NCAN: variants seen among roughly 807,000 people sequenced by gnomAD.
NCAN encodes the protein neurocan.
NCAN carries 47 observed loss-of-function variants against 121.8 expected under a neutral mutation model. The observed-to-expected ratio is 0.39, with a 90% CI of 0.31 to 0.49. NCAN has a LOEUF of 0.49. NCAN is among the 20% of genes least tolerant of loss of function. The pLI, the probability that NCAN is intolerant of heterozygous loss-of-function variation, is 0.92. For synonymous variants in NCAN, 633 were observed against 702.0 expected, an observed-to-expected ratio of 0.90 and a Z score of 1.55; for missense variants, 1,517 against 1,773.4, an observed-to-expected ratio of 0.86 and a Z score of 2.60.
intron 13 of NCAN, among the ~76,000 whole-genome samples, chr19:19,246,022 T>A (rs2060923267): frequency 2.0e-5 from 3 of 152,018 alleles, no homozygotes; most frequent in Admixed American, 6.6e-5. Flanking sequence ...TTTTTTAATT[T>A]ATTCTTATTT....
In NCAN at chr19:19,228,103, C is replaced by T. The variant is rs2060844750; in HGVS notation, c.2483C>T (p.Pro828Leu). 2 of 1,613,478 alleles carry T rather than the reference C, an allele frequency of 1.2e-6. No homozygotes were observed. The highest frequency in any genetic ancestry group is 1.6e-4 in the Middle Eastern group (1 of 6,084). The part of the protein sequence containing the change: ...VATDEGPTVN[P>L]MDSTVTPAPS... ...ACAGATGAAGGACCCACTGTGAATC[C>T]CATGGATTCCACAGTCACGCCGGCC... Residue 828 changes from proline (P) to leucine (L), a missense_variant, in exon 8 of 15, where the codon CCC (proline) becomes CTC (leucine). Pro to Leu is a moderately conservative substitution (Grantham distance 98). Coordinates refer to ENST00000252575, the MANE Select transcript of NCAN (RefSeq NM_004386.3).
In NCAN at chr19:19,225,010, TG is replaced by T; in HGVS notation, c.813del (p.Thr272HisfsTer97). 6.8e-7 allele frequency: 1 copy of T among 1,475,056 alleles called. No homozygotes were observed. The allele number at this position is 1,475,056 out of a possible 1,614,324, so 91.4% of individuals were successfully genotyped here. A position where few individuals can be genotyped will look rare whatever the true frequency, so the allele number is the denominator to read the frequency against. On this transcript the variant is annotated frameshift_variant, in exon 6 of 15. Coordinates refer to ENST00000252575, the MANE Select transcript of NCAN (RefSeq NM_004386.3). LOFTEE classifies it high-confidence loss of function. This position sits in a 1 kb window ranked among gnomAD's most constrained non-coding sequence, Gnocchi z 4.0. ...EVFYVGPARR[L>X]TLAGARAQCR... ...TTCTACGTGGGCCCGGCCCGCCGCC[TG>T]ACACTGGCCGGCGCGCGTGCACAGT...
At position 19,249,863 on chromosome 19, in the gene NCAN, G is replaced by C. The variant is rs1463807205; in HGVS notation, c.3918G>C (p.Lys1306Asn). 4 of 1,614,042 alleles carry C rather than the reference G, an allele frequency of 2.5e-6. No homozygotes were observed. Among genetic ancestry groups the C allele is most frequent in the Non-Finnish European group, 3.4e-6 (4 of 1,180,020 alleles). The change falls in exon 15 of 15, where the codon AAG becomes AAC. Residue 1306 changes from lysine to asparagine, a missense_variant. By Grantham distance (94) the Lys-to-Asn change is moderately conservative. Coordinates refer to ENST00000252575, the MANE Select transcript of NCAN (RefSeq NM_004386.3). ...CCCGCAAGGAGCGCAGAAAACACAA[G>C]AAACACCCAACGGAGGACTGGGAGA... Reference protein sequence around the residue: ...HKSRKERRKHKKHPTEDWEKD... With the variant: ...HKSRKERRKHNKHPTEDWEKD...
chr19:19,231,792 C>A (rs2060860931), intron 8 of NCAN, among the ~76,000 whole-genome samples: 1 of 151,966 alleles, frequency 6.6e-6, no homozygotes, highest in South Asian at 2.1e-4. Flanking sequence ...CCAGCCTTGG[C>A]AACATAGTGA....
intron 12 of NCAN, among the ~76,000 whole-genome samples, chr19:19,241,091 A>G (rs1599822000): frequency 6.6e-6 from 1 of 151,884 alleles, no homozygotes; most frequent in African/African-American, 2.4e-5. Flanking sequence ...CCCCGTCTCT[A>G]CTAAAAATAT....
intron 2 of NCAN, among the ~76,000 whole-genome samples, chr19:19,217,369 G>C (rs1037234929): frequency 1.3e-5 from 2 of 152,166 alleles, no homozygotes; most frequent in African/African-American, 4.8e-5. Context: ...TCTACTGGTG[G>C]TCAAGAGCCC....
chr19:19,226,127 A>G (rs891286555), intron 6 of NCAN, among the ~76,000 whole-genome samples: 3 of 152,032 alleles, frequency 2.0e-5, no homozygotes, highest in African/African-American at 7.2e-5. Flanking sequence ...ACGGGGTTTC[A>G]CCATGTTGGC....
At chr19:19,221,481 T>G (rs2060816538) in intron 3 of NCAN, among the ~76,000 whole-genome samples, 2 of 151,842 alleles carry the variant, frequency 1.3e-5, no homozygotes, top group South Asian at 4.2e-4. Flanking sequence ...GGCAGGAGAA[T>G]CGCTTGAACC....
At chr19:19,223,457 A>G (rs1488459831) in intron 3 of NCAN, among the ~76,000 whole-genome samples, 1 of 151,974 alleles carries the variant, frequency 6.6e-6, no homozygotes, top group East Asian at 1.9e-4. Flanking sequence ...ATGCTTATAA[A>G]TGCTTTTCTT....
At chr19:19,243,162 G>A (rs528092454) in intron 12 of NCAN, among the ~76,000 whole-genome samples, 2 of 151,758 alleles carry the variant, frequency 1.3e-5, no homozygotes, top group Non-Finnish European at 2.9e-5. Flanking sequence ...GGCTGGGGTC[G>A]GGAGAAGGGG....
rs1390913986 is a variant in NCAN at position 19,212,912 on chromosome 19, C to T, written c.-8+848C>T. Among the ~76,000 whole-genome samples the T allele has an allele frequency of 6.6e-6, 1 of 152,206 alleles. No homozygotes were observed. The highest frequency in any genetic ancestry group is 6.5e-5 in the Admixed American group (1 of 15,282). ...TTACAGCATGACACAGACCCCTACC[C>T]CCACCCCCTTTAGTTCCACCTGTCC... On this transcript the variant is annotated intron_variant, in intron 1 of 14. Coordinates refer to ENST00000252575, the MANE Select transcript of NCAN (RefSeq NM_004386.3). The surrounding 1 kb of genome is among the most constrained non-coding windows in gnomAD (Gnocchi z 4.5).
At position 19,212,678 on chromosome 19, in the gene NCAN, G is replaced by T. The variant is rs930340367; in HGVS notation, c.-8+614G>T. 1.3e-5 allele frequency among the ~76,000 whole-genome samples: 2 copies of T among 152,192 alleles called. No individual in the cohort carries two copies. Among genetic ancestry groups the T allele is most frequent in the African/African-American group, 4.8e-5 (2 of 41,440 alleles). On this transcript the variant is annotated intron_variant, in intron 1 of 14. Coordinates refer to ENST00000252575, the MANE Select transcript of NCAN (RefSeq NM_004386.3). This position sits in a 1 kb window ranked among gnomAD's most constrained non-coding sequence, Gnocchi z 4.5. ...CGTTCTGACTCAGGGAGGAGGTCCTGGGGGTCCCCATCCCAACGTGGTTCC... is the reference window on the plus strand; with the variant it reads ...CGTTCTGACTCAGGGAGGAGGTCCTTGGGGTCCCCATCCCAACGTGGTTCC...
In NCAN at chr19:19,213,519, C is replaced by G. The variant is rs868220109; in HGVS notation, c.-8+1455C>G. Among the ~76,000 whole-genome samples the G allele has an allele frequency of 6.7e-3, 867 of 130,078 alleles. 6 individuals are homozygous for G. Among genetic ancestry groups the G allele is most frequent in the African/African-American group, 0.019 (667 of 35,210 alleles). The allele number at this position is 130,078 out of a possible 152,430, so 85.3% of individuals were successfully genotyped here. On this transcript the variant is annotated intron_variant, in intron 1 of 14. Coordinates refer to ENST00000252575, the MANE Select transcript of NCAN (RefSeq NM_004386.3). ...AGGGGTTTATGTGGGGGGGGGGGGG[C>G]CCGAGACTGTGGGTGTGTGTCTTTG...
In NCAN at chr19:19,216,983, C is replaced by T; in HGVS notation, c.30C>T (p.Gly10=). The change falls in exon 2 of 15, where the codon GGC becomes GGT. Residue 10 remains glycine, a synonymous_variant. Coordinates refer to ENST00000252575, the MANE Select transcript of NCAN (RefSeq NM_004386.3). The stretch of plus-strand genomic sequence containing the variant: ...GGGCCCCGTTTGTCTGGGCCTTGGG[C>T]CTTTTGATGCTGCAGATGCTGCTCT... MGAPFVWAL[G]LLMLQMLLFV... The T allele has an allele frequency of 7.6e-7, 1 of 1,312,194 alleles. No homozygotes were observed. Among genetic ancestry groups the T allele is most frequent in the Non-Finnish European group, 9.8e-7 (1 of 1,021,240 alleles). 81.3% of individuals were successfully genotyped at this position (1,312,194 alleles called of 1,614,324 possible).
At chr19:19,232,333 G>A (rs1403144301) in intron 8 of NCAN, among the ~76,000 whole-genome samples, 2 of 152,218 alleles carry the variant, frequency 1.3e-5, no homozygotes, top group African/African-American at 4.8e-5. Context: ...CAGTACCAGC[G>A]AGTGACTGAG....
intron 12 of NCAN, among the ~76,000 whole-genome samples, chr19:19,244,319 T>TTTTTC (rs1355572409): frequency 2.0e-5 from 3 of 150,408 alleles, no homozygotes; most frequent in Non-Finnish European, 4.4e-5. Context: ...CTTTTTTTTT[T>TTTTTC]TTTTTTTGAG....
intron 3 of NCAN, 62 bp from the exon 4 acceptor site, chr19:19,223,959 G>T: frequency 1.4e-6 from 2 of 1,451,386 alleles, no homozygotes; most frequent in African/African-American, 2.8e-5. Context: ...CAAGAGGTAG[G>T]TCTGTTCTTG....
At chr19:19,238,181 C>T in intron 10 of NCAN, 72 bp from the exon 11 acceptor site, 2 of 1,595,356 alleles carry the variant, frequency 1.3e-6, no homozygotes, top group East Asian at 2.2e-5. Flanking sequence ...CTCTGGTGGG[C>T]TGGCTGTGCT....
chr19:19,217,015 C>T lies in NCAN; in HGVS notation c.62C>T (p.Ala21Val). 1 of 1,311,900 alleles carries T rather than the reference C, an allele frequency of 7.6e-7. No individual in the cohort carries two copies. Among genetic ancestry groups the T allele is most frequent in the East Asian group, 2.8e-5 (1 of 35,656 alleles). The allele number at this position is 1,311,900 out of a possible 1,614,324, so 81.3% of individuals were successfully genotyped here. A position where few individuals can be genotyped will look rare whatever the true frequency, so the allele number is the denominator to read the frequency against. Residue 21 changes from alanine to valine, a missense_variant, in exon 2 of 15, where the codon GCT becomes GTT. Physicochemically the swap from Ala to Val is moderately conservative, Grantham distance 64 (BLOSUM62 0). Transcript: ENST00000252575. ...ATGCTGCAGATGCTGCTCTTTGTGGCTGGGGAACAGGGTGAGTTGGTTTGT... is the reference window on the plus strand; with the variant it reads ...ATGCTGCAGATGCTGCTCTTTGTGGTTGGGGAACAGGGTGAGTTGGTTTGT... ...LLMLQMLLFV[A>V]GEQGTQDITD... is the part of the protein sequence containing the mutation.
Sources: allele counts gnomAD v4.1 joint callset (sites outside exome capture counted in the v4.1 genomes callset), GRCh38; gene constraint gnomAD v4.1.1; non-coding constraint Gnocchi (gnomAD v3.1); transcripts MANE v1.5; gene names NCBI Gene and HGNC (gene_info 2026-07-23, HGNC 2026-07-21).